Variants in SEMA6D observed in about 807,000 individuals in gnomAD.
The protein encoded by SEMA6D is semaphorin-6D.
SEMA6D carries 35 observed loss-of-function variants against 106.6 expected under a neutral mutation model. That is an observed-to-expected ratio of 0.33 (90% CI 0.25 to 0.44). The LOEUF is 0.44. Ranked by LOEUF, SEMA6D falls within the 20% of genes least tolerant of loss-of-function variation. SEMA6D has a pLI of 1.00. For synonymous variants in SEMA6D, 499 were observed against 487.7 expected (o/e 1.02, Z -0.31); for missense variants, 1,185 against 1,345.9 (o/e 0.88, Z 1.87).
At chr15:47,639,311 C>T (rs2144689832) in intron 4 of SEMA6D, among the ~76,000 whole-genome samples, 1 of 152,174 alleles carries the variant, frequency 6.6e-6, no homozygotes, top group East Asian at 1.9e-4. Flanking sequence ...GTGGACCAAG[C>T]TGGAACAATT....
chr15:47,231,079 C>A (rs2032160799), intron 1 of SEMA6D, among the ~76,000 whole-genome samples: 2 of 151,900 alleles, frequency 1.3e-5, no homozygotes, highest in East Asian at 3.9e-4. Flanking sequence ...CCTGGCCATT[C>A]GTCTCCTCCT....
At chr15:47,374,101 A>T (rs1265855060) in intron 1 of SEMA6D, among the ~76,000 whole-genome samples, 1 of 152,230 alleles carries the variant, frequency 6.6e-6, no homozygotes, top group Non-Finnish European at 1.5e-5. Flanking sequence ...AAAGGATAAC[A>T]TTCGCTGGAG....
Position 47,771,583 on chromosome 15 carries a change from C to G in SEMA6D, c.3020C>G (p.Ala1007Gly), listed in dbSNP as rs557138877. ...RGGYMPTPTG[A>G]KVDYIQGTPV... is the part of the protein sequence containing the mutation. The stretch of plus-strand genomic sequence containing the variant: ...GGATATATGCCCACCCCCACTGGGG[C>G]GAAGGTGGACTATATTCAGGGAACA... The change falls in exon 19 of 19, where the codon GCG (alanine) becomes GGG (glycine). Residue 1007 changes from alanine (A) to glycine (G), a missense_variant. Physicochemically the swap from Ala to Gly is moderately conservative, Grantham distance 60. Around this residue, in one of 3 missense-constraint regions of SEMA6D, gnomAD observed 750 missense variants for 783.5 expected, o/e 0.96. Transcript: ENST00000536845. 1 of 1,614,076 alleles carries G rather than the reference C, an allele frequency of 6.2e-7. No individual in the cohort carries two copies. Among genetic ancestry groups the G allele is most frequent in the African/African-American group, 1.3e-5 (1 of 75,038 alleles).
chr15:47,576,041 C>T (rs981495473), intron 3 of SEMA6D, among the ~76,000 whole-genome samples: 11 of 152,228 alleles, frequency 7.2e-5, no homozygotes, highest in African/African-American at 2.6e-4. Context: ...TATGACAAAA[C>T]GACTCACAAT....
chr15:47,462,115 A>T (rs1390870), intron 2 of SEMA6D, among the ~76,000 whole-genome samples: 40,674 of 151,942 alleles, frequency 0.27, 6,060 homozygotes, highest in East Asian at 0.49. Context: ...CGCCAGTGTG[A>T]TATACTCTTC....
At chr15:47,286,615 C>G (rs1310628068) in intron 1 of SEMA6D, among the ~76,000 whole-genome samples, 1 of 151,944 alleles carries the variant, frequency 6.6e-6, no homozygotes, top group Non-Finnish European at 1.5e-5. Context: ...TCATTTTAAT[C>G]TACTGCAATA....
At chr15:47,504,910 C>T (rs985303414) in intron 3 of SEMA6D, among the ~76,000 whole-genome samples, 1 of 152,076 alleles carries the variant, frequency 6.6e-6, no homozygotes, top group Non-Finnish European at 1.5e-5. Flanking sequence ...AATTCCCTTC[C>T]TTCCTTCTGT....
intron 3 of SEMA6D, among the ~76,000 whole-genome samples, chr15:47,481,650 A>G (rs530569516): frequency 2.0e-5 from 3 of 152,124 alleles, no homozygotes; most frequent in African/African-American, 7.2e-5. Context: ...ATTGAGCTCT[A>G]TTACTGAGTA....
intron 3 of SEMA6D, among the ~76,000 whole-genome samples, chr15:47,595,545 C>A (rs1318542507): frequency 6.6e-6 from 1 of 152,006 alleles, no homozygotes; most frequent in Non-Finnish European, 1.5e-5. Flanking sequence ...TAATAATTTT[C>A]TTTTATTGTA....
intron 1 of SEMA6D, among the ~76,000 whole-genome samples, chr15:47,405,283 C>T (rs1372571942): frequency 1.3e-5 from 2 of 151,996 alleles, no homozygotes; most frequent in Non-Finnish European, 2.9e-5. Flanking sequence ...TGTTTCTGAA[C>T]AAAATTTGGA....
rs73388903 is a variant in SEMA6D, at chr15:47,464,561, T to C, written c.-158-5913T>C. 8.6e-3 allele frequency among the ~76,000 whole-genome samples: 1,303 copies of C among 152,236 alleles called. 22 individuals carry two copies. Among genetic ancestry groups the C allele is most frequent in the African/African-American group, 0.03 (1,255 of 41,550 alleles). ...GGGCCTGGCTTTTGCTCTTATAAGA[T>C]GGTTGGTTTGAGGAGGTGCCAGTAT... On this transcript the variant is annotated intron_variant, in intron 2 of 19. Coordinates refer to the SEMA6D transcript ENST00000558014.
At chr15:47,369,336 A>G (rs2039183530) in intron 1 of SEMA6D, among the ~76,000 whole-genome samples, 1 of 152,176 alleles carries the variant, frequency 6.6e-6, no homozygotes, top group African/African-American at 2.4e-5. Context: ...AACTTCTTTG[A>G]ATTGTTTGAC....
At chr15:47,575,500 A>G (rs1380806123) in intron 3 of SEMA6D, among the ~76,000 whole-genome samples, 1 of 152,134 alleles carries the variant, frequency 6.6e-6, no homozygotes, top group Admixed American at 6.5e-5. Flanking sequence ...TGGGCAGATC[A>G]CGAGGTCAGG....
chr15:47,403,462 A>G (rs2040462390), intron 1 of SEMA6D, among the ~76,000 whole-genome samples: 1 of 152,160 alleles, frequency 6.6e-6, no homozygotes, highest in Non-Finnish European at 1.5e-5. Flanking sequence ...TTTAGTGAGC[A>G]TCTACTTTAT....
chr15:47,288,635 AATGCATGAATTC>A (rs1055933189), intron 1 of SEMA6D, among the ~76,000 whole-genome samples: 2 of 152,268 alleles, frequency 1.3e-5, no homozygotes, highest in Non-Finnish European at 1.5e-5. Context: ...TTAGTGAATG[AATGCATGAATTC>A]ATGCATGAAT....
At chr15:47,505,901 A>G (rs775481504) in intron 3 of SEMA6D, among the ~76,000 whole-genome samples, 9 of 152,088 alleles carry the variant, frequency 5.9e-5, no homozygotes, top group Non-Finnish European at 1.0e-4. Flanking sequence ...TGAGGGGCCA[A>G]TCAGGAGGAA....
chr15:47,342,849 T>G (rs924106980), intron 1 of SEMA6D, among the ~76,000 whole-genome samples: 1 of 152,136 alleles, frequency 6.6e-6, no homozygotes, highest in Non-Finnish European at 1.5e-5. Context: ...TAGCTGGGAT[T>G]ACAGGCACAT....
At position 47,221,257 on chromosome 15, in the gene SEMA6D, C is replaced by T. The variant is rs991789533; in HGVS notation, c.-239+36839C>T. On this transcript the variant is annotated intron_variant, in intron 1 of 19. Coordinates refer to the SEMA6D transcript ENST00000558014. ...CCAATTCACCTAAAGTAGCTGGGCT[C>T]CTCTATGAATATAGCTCTTGCAGAG... is the stretch of plus-strand genomic sequence containing the variant. 4.6e-5 allele frequency among the ~76,000 whole-genome samples: 7 copies of T among 152,326 alleles called. No homozygotes were observed. In the East Asian group the frequency reaches 1.2e-3, roughly 25 times the overall value.
At chr15:47,763,775 C>T (rs1469401270) in intron 9 of SEMA6D, 75 bp from the exon 10 acceptor site, 4 of 1,319,224 alleles carry the variant, frequency 3.0e-6, no homozygotes, top group Non-Finnish European at 4.4e-6. Flanking sequence ...TTGTCCCTCC[C>T]TTAAACAGTA....
Sources: gnomAD v4.1 joint callset for allele counts (sites outside exome capture counted in the v4.1 genomes callset) on GRCh38, gnomAD v4.1.1 for gene constraint, gnomAD v4.1.1 regional missense constraint, MANE v1.5 for transcripts, NCBI Gene and HGNC (gene_info 2026-07-23, HGNC 2026-07-21) for gene names.